Variants in ELP4 observed in about 807,000 individuals in gnomAD.
ELP4 encodes elongator acetyltransferase complex subunit 4.
A neutral mutation model predicts 48.9 loss-of-function variants in ELP4; 51 were observed. That is an observed-to-expected ratio of 1.04 (90% CI 0.83 to 1.32). The LOEUF (loss-of-function observed/expected upper bound fraction) is 1.32. Among genes scored for constraint, ELP4 ranks in the 40% most tolerant of loss-of-function variants. ELP4 has a pLI of 0.00. For missense variants in ELP4, 519 were observed against 514.6 expected (o/e 1.01, Z -0.08); for synonymous variants, 210 against 189.2 (o/e 1.11, Z -0.90).
Position 31,518,503 on chromosome 11 carries a change from T to TC in ELP4, c.224-1553_224-1552insC, listed in dbSNP as rs1230315767. ...TATTACCATAGTTCAGATTTTTTTT[T>TC]TTTTTTTTTTCTGAAACAGAGTCTC... is the stretch of plus-strand genomic sequence containing the variant. On this transcript the variant is annotated intron_variant, in intron 1 of 9. Coordinates refer to ENST00000640961, the MANE Select transcript of ELP4 (RefSeq NM_019040.5). 3.3e-5 allele frequency among the ~76,000 whole-genome samples: 5 copies of TC among 151,188 alleles called. No individual in the cohort carries two copies. The East Asian group carries it at 9.7e-4, about 29-fold the overall frequency.
Position 31,587,232 on chromosome 11 carries a change from G to A in ELP4, c.382-7538G>A, listed in dbSNP as rs537600940. 2.0e-5 allele frequency among the ~76,000 whole-genome samples: 3 copies of A among 152,300 alleles called. No individual in the cohort carries two copies. The East Asian group carries it at 5.8e-4, about 29-fold the overall frequency. ...TATCAACTAAGGTAACTCAAGAAAG[G>A]TGGACCTGTTTTAAAAGGACCAGTG... On this transcript the variant is annotated intron_variant, in intron 3 of 9. Coordinates refer to ENST00000640961, the MANE Select transcript of ELP4 (RefSeq NM_019040.5).
intron 9 of ELP4, among the ~76,000 whole-genome samples, chr11:31,755,455 A>C (rs1192146133): frequency 1.3e-5 from 2 of 152,216 alleles, no homozygotes; most frequent in African/African-American, 4.8e-5. Context: ...AAACAGCACC[A>C]GTATATAAGA....
At chr11:31,753,367 A>T (rs1257879136) in intron 9 of ELP4, among the ~76,000 whole-genome samples, 4 of 152,192 alleles carry the variant, frequency 2.6e-5, no homozygotes, top group Non-Finnish European at 5.9e-5. Flanking sequence ...CACCCAGCAA[A>T]CTACCTCCTC....
chr11:31,772,593 G>A (rs766921665), intron 9 of ELP4, among the ~76,000 whole-genome samples: 1 of 152,182 alleles, frequency 6.6e-6, no homozygotes, highest in Non-Finnish European at 1.5e-5. Context: ...CTGGCACACA[G>A]AGTGTAAACT....
intron 3 of ELP4, among the ~76,000 whole-genome samples, chr11:31,583,799 C>T (rs886460698): frequency 8.5e-5 from 13 of 152,064 alleles, no homozygotes; most frequent in African/African-American, 3.1e-4. Context: ...CTAGAACTGA[C>T]CAACAGAATT....
chr11:31,694,574 C>T (rs372095739), intron 9 of ELP4, among the ~76,000 whole-genome samples: 20 of 152,118 alleles, frequency 1.3e-4, no homozygotes, highest in African/African-American at 4.1e-4. Context: ...AGCCTTGTAG[C>T]ATAGTTTGAA....
intron 6 of ELP4, chr11:31,628,140 C>T (rs1433842379): frequency 3.3e-5 from 5 of 151,802 alleles, no homozygotes; most frequent in African/African-American, 4.8e-5. Context: ...ATTTTTGTGA[C>T]GGCCTTTAGT....
chr11:31,632,364 C>G lies in ELP4; in HGVS notation c.886C>G (p.Leu296Val), dbSNP rs755762601. Reference sequence around the variant, plus strand: ...TCTCCGTGGTCTTCTGAGAACCTCTCTTTCAGCCTGCATCATCACAATGCC... The same window carrying G: ...TCTCCGTGGTCTTCTGAGAACCTCTGTTTCAGCCTGCATCATCACAATGCC... ...YVLRGLLRTS[L>V]SACIITMPTH... Residue 296 changes from leucine (L) to valine (V), a missense_variant, in exon 7 of 10, where the codon CTT becomes GTT. Leu to Val is a conservative substitution (Grantham distance 32). Coordinates refer to ENST00000640961, the MANE Select transcript of ELP4 (RefSeq NM_019040.5). 6.8e-6 allele frequency: 11 copies of G among 1,612,654 alleles called. No homozygotes were observed. Among genetic ancestry groups the G allele is most frequent in the Non-Finnish European group, 9.3e-6 (11 of 1,179,462 alleles).
At chr11:31,761,905 A>G (rs1947953839) in intron 9 of ELP4, 1 of 152,302 alleles carries the variant, frequency 6.6e-6, no homozygotes, top group Admixed American at 6.5e-5. Context: ...CCTCCCAATC[A>G]GAAAATAAGC....
At chr11:31,534,028 G>A (rs569431322) in intron 2 of ELP4, among the ~76,000 whole-genome samples, 159 of 148,362 alleles carry the variant, frequency 1.1e-3, no homozygotes, top group Middle Eastern at 7.1e-3. Flanking sequence ...TACTAGAGAC[G>A]GGTTTCACCA....
intron 9 of ELP4, among the ~76,000 whole-genome samples, chr11:31,771,276 A>G (rs1948136372): frequency 6.6e-6 from 1 of 152,230 alleles, no homozygotes; most frequent in Non-Finnish European, 1.5e-5. Flanking sequence ...GCAGGATCTA[A>G]TAGCCAGTAT....
At chr11:31,746,686 A>T (rs926982564) in intron 9 of ELP4, among the ~76,000 whole-genome samples, 2 of 152,160 alleles carry the variant, frequency 1.3e-5, no homozygotes, top group Non-Finnish European at 2.9e-5. Flanking sequence ...GGAATTGAAC[A>T]GTGAGAACAC....
chr11:31,550,145 T>A (rs893606399), intron 3 of ELP4, among the ~76,000 whole-genome samples: 12 of 151,442 alleles, frequency 7.9e-5, no homozygotes, highest in East Asian at 7.8e-4. Flanking sequence ...AAAAAAAAAA[T>A]AAAAAATAAT....
intron 5 of ELP4, among the ~76,000 whole-genome samples, chr11:31,613,468 C>T (rs550890514): frequency 6.6e-6 from 1 of 152,080 alleles, no homozygotes; most frequent in East Asian, 1.9e-4. Flanking sequence ...AATAATAATC[C>T]TCTTTACATT....
Position 31,785,443 on chromosome 11 carries a change from A to C in ELP4, c.*1919A>C, listed in dbSNP as rs1948541185. ...CTTCCCTGGCTACCATGTCTATAAA[A>C]TTAACAGCCAATTACTAGTTAATAT... On this transcript the variant is annotated 3_prime_UTR_variant, in exon 10 of 10. Transcript: ENST00000640961. 1 of 186,450 alleles carries C rather than the reference A, an allele frequency of 5.4e-6. No individual in the cohort carries two copies. Among genetic ancestry groups the C allele is most frequent in the Non-Finnish European group, 1.1e-5 (1 of 88,228 alleles). The allele number at this position is 186,450 out of a possible 1,614,324, so 11.5% of individuals were successfully genotyped here.
chr11:31,783,544 G>A lies in ELP4; in HGVS notation c.*20G>A. On this transcript the variant is annotated 3_prime_UTR_variant, in exon 10 of 10. Transcript: ENST00000640961. ...TTCTAGGGATTCCTCCTTAGTCGCT[G>A]CATGCAGAATTCTATGACACTCTAA... The A allele has an allele frequency of 6.2e-7, 1 of 1,610,572 alleles. No individual in the cohort carries two copies. Among genetic ancestry groups the A allele is most frequent in the Non-Finnish European group, 8.5e-7 (1 of 1,178,096 alleles).
chr11:31,677,582 A>T (rs1461611311), intron 9 of ELP4, among the ~76,000 whole-genome samples: 1 of 152,064 alleles, frequency 6.6e-6, no homozygotes, highest in African/African-American at 2.4e-5. Flanking sequence ...AAGTTTTTTC[A>T]TGGTTATAGT....
intron 9 of ELP4, among the ~76,000 whole-genome samples, chr11:31,658,748 C>T (rs1317870272): frequency 6.6e-6 from 1 of 151,854 alleles, no homozygotes; most frequent in African/African-American, 2.4e-5. Flanking sequence ...ATTTTCGGAG[C>T]ATCAAAAATT....
At chr11:31,752,981 A>T (rs1947760230) in intron 9 of ELP4, among the ~76,000 whole-genome samples, 2 of 152,144 alleles carry the variant, frequency 1.3e-5, no homozygotes, top group Admixed American at 1.3e-4. Context: ...AACCTTACTT[A>T]GCCTGTCTAT....
Sources: gnomAD v4.1 joint callset for allele counts (sites outside exome capture counted in the v4.1 genomes callset) on GRCh38, gnomAD v4.1.1 for gene constraint, MANE v1.5 for transcripts, NCBI Gene and HGNC (gene_info 2026-07-23, HGNC 2026-07-21) for gene names.